Variants in NAALADL2 observed in about 807,000 individuals in gnomAD.
NAALADL2 encodes N-acetylated alpha-linked acidic dipeptidase like 2.
Under a neutral mutation model 87.2 loss-of-function variants are expected in NAALADL2, and 76 were observed. The ratio of observed to expected loss-of-function variants is 0.87; its 90% CI spans 0.72 to 1.05. NAALADL2 has a LOEUF of 1.05. Ranked by LOEUF, NAALADL2 falls within the 50% of genes least tolerant of loss-of-function variation. The pLI is 0.00. For missense variants in NAALADL2, 1,089 were observed against 945.8 expected (o/e 1.15, Z -1.99); for synonymous variants, 354 against 331.0 (o/e 1.07, Z -0.75).
At chr3:174,843,653 A>T (rs2109433297) in intron 3 of NAALADL2, among the ~76,000 whole-genome samples, 1 of 152,234 alleles carries the variant, frequency 6.6e-6, no homozygotes, top group Admixed American at 6.5e-5. Flanking sequence ...TGTAATCCCA[A>T]CAACAATGTG....
chr3:175,199,835 TATATATATATATATATATATATATA>T (rs1560153063), intron 2 of NAALADL2, among the ~76,000 whole-genome samples: 5 of 11,252 alleles, frequency 4.4e-4, no homozygotes, highest in Admixed American at 9.2e-4. Context: ...TATATATATA[TATATATATATATATATATATATATA>T]TATATTTTTT....
chr3:175,777,506 A>G (rs1750410467), intron 13 of NAALADL2, among the ~76,000 whole-genome samples: 1 of 152,146 alleles, frequency 6.6e-6, no homozygotes, highest in South Asian at 2.1e-4. Context: ...CTGTTAATTT[A>G]TGCAATCAAA....
intron 5 of NAALADL2, among the ~76,000 whole-genome samples, chr3:175,362,635 A>T (rs1445516991): frequency 6.7e-6 from 1 of 148,354 alleles, no homozygotes; most frequent in Non-Finnish European, 1.5e-5. Context: ...TTTTACTGCT[A>T]TAAACATGCA....
intron 2 of NAALADL2, among the ~76,000 whole-genome samples, chr3:175,117,962 G>T (rs1027051215): frequency 6.6e-6 from 1 of 152,136 alleles, no homozygotes; most frequent in South Asian, 2.1e-4. Context: ...CATGTCCTTT[G>T]TAGGGACATG....
chr3:174,737,088 G>C (rs1052180705), intron 2 of NAALADL2, among the ~76,000 whole-genome samples: 1 of 152,244 alleles, frequency 6.6e-6, no homozygotes, highest in African/African-American at 2.4e-5. Flanking sequence ...GATTCCACCT[G>C]TTCCTGGCTC....
intron 1 of NAALADL2, among the ~76,000 whole-genome samples, chr3:175,047,597 A>G (rs529704437): frequency 2.0e-5 from 3 of 152,202 alleles, no homozygotes; most frequent in South Asian, 4.1e-4. Flanking sequence ...GACAAATATA[A>G]CACAAACTTT....
At chr3:175,046,911 T>C (rs936994583) in intron 1 of NAALADL2, among the ~76,000 whole-genome samples, 2 of 152,118 alleles carry the variant, frequency 1.3e-5, no homozygotes, top group African/African-American at 2.4e-5. Flanking sequence ...ACATAAACAA[T>C]GGAAATGTAT....
At chr3:175,379,191 CTTT>C (rs67510422) in intron 5 of NAALADL2, among the ~76,000 whole-genome samples, 15 of 142,770 alleles carry the variant, frequency 1.1e-4, no homozygotes, top group Admixed American at 1.4e-4. Context: ...CTTCCTCTCT[CTTT>C]TTTTTTTTTT....
chr3:175,398,015 G>A (rs73186720), intron 5 of NAALADL2, among the ~76,000 whole-genome samples: 7,297 of 152,044 alleles, frequency 0.048, 234 homozygotes, highest in Middle Eastern at 0.071. Flanking sequence ...GTTCTTTAAG[G>A]TATTGTGCCC....
chr3:174,606,026 C>G (rs1476024872), intron 2 of NAALADL2, among the ~76,000 whole-genome samples: 1 of 152,180 alleles, frequency 6.6e-6, no homozygotes, highest in Non-Finnish European at 1.5e-5. Context: ...ATCTGCTGTT[C>G]TGCAGCCACC....
At chr3:175,082,701 AT>A (rs1718119619) in intron 1 of NAALADL2, among the ~76,000 whole-genome samples, 1 of 152,168 alleles carries the variant, frequency 6.6e-6, no homozygotes, top group Non-Finnish European at 1.5e-5. Context: ...TTTTGGAACA[AT>A]TTGTTCATGC....
At chr3:175,296,227 T>G (rs1756361229) in intron 4 of NAALADL2, among the ~76,000 whole-genome samples, 1 of 152,102 alleles carries the variant, frequency 6.6e-6, no homozygotes, top group Non-Finnish European at 1.5e-5. Context: ...AGGTGCTACA[T>G]GTGTTAAAGT....
chr3:175,507,169 T>C (rs781681628), intron 9 of NAALADL2, among the ~76,000 whole-genome samples: 8 of 152,112 alleles, frequency 5.3e-5, no homozygotes, highest in Non-Finnish European at 1.0e-4. Flanking sequence ...CCTCTGTCTG[T>C]AGATACTGCT....
rs545004674 is a variant in NAALADL2, at chr3:175,605,821, T to G, written c.1801-21470T>G. On this transcript the variant is annotated intron_variant, in intron 10 of 13. Transcript: ENST00000454872. ...ACATTGCTCCCTATATTAATATCTG[T>G]GCTAATTCATAAATTATTGGACTAC... Among the ~76,000 whole-genome samples, 11 of 152,268 alleles carry G rather than the reference T, an allele frequency of 7.2e-5. No individual in the cohort carries two copies. In the South Asian group the frequency reaches 8.3e-4, roughly 11 times the overall value.
chr3:174,983,291 T>G (rs1745375827), intron 1 of NAALADL2, among the ~76,000 whole-genome samples: 1 of 152,142 alleles, frequency 6.6e-6, no homozygotes, highest in African/African-American at 2.4e-5. Context: ...TTATTTTGAA[T>G]AATTTTGGTG....
intron 13 of NAALADL2, among the ~76,000 whole-genome samples, chr3:175,794,565 T>C (rs936402002): frequency 6.6e-6 from 1 of 152,172 alleles, no homozygotes; most frequent in African/African-American, 2.4e-5. Flanking sequence ...ATGGGAGTCT[T>C]ACTTGAATAT....
At chr3:175,534,018 A>G (rs976798257) in intron 9 of NAALADL2, among the ~76,000 whole-genome samples, 1 of 151,558 alleles carries the variant, frequency 6.6e-6, no homozygotes, top group African/African-American at 2.4e-5. Flanking sequence ...AGGAGTGTCA[A>G]ATGCATTTAT....
chr3:175,072,017 A>G (rs1715741111), intron 1 of NAALADL2, among the ~76,000 whole-genome samples: 1 of 151,974 alleles, frequency 6.6e-6, no homozygotes, highest in Non-Finnish European at 1.5e-5. Flanking sequence ...CTATAAGCAT[A>G]TTTGAACTTG....
At chr3:174,793,466 C>T (rs1717705233) in intron 3 of NAALADL2, among the ~76,000 whole-genome samples, 1 of 151,996 alleles carries the variant, frequency 6.6e-6, no homozygotes, top group Admixed American at 6.6e-5. Flanking sequence ...GTGGTATACA[C>T]CGGAATAGGA....
Sources: allele counts gnomAD v4.1 joint callset (sites outside exome capture counted in the v4.1 genomes callset), GRCh38; gene constraint gnomAD v4.1.1; transcripts MANE v1.5; gene names NCBI Gene and HGNC (gene_info 2026-07-23, HGNC 2026-07-21).